SLC25A28: variants seen among roughly 807,000 people sequenced by gnomAD.
The protein encoded by SLC25A28 is solute carrier family 25 member 28, also known as mitoferrin-2.
A neutral mutation model predicts 31.9 loss-of-function variants in SLC25A28; 10 were observed. The ratio of observed to expected loss-of-function variants is 0.31; its 90% confidence interval spans 0.19 to 0.53. The LOEUF (loss-of-function observed/expected upper bound fraction) is 0.53, where lower values mean the gene tolerates loss of function less well. Among genes scored for constraint, SLC25A28 ranks in the 20% least tolerant of loss-of-function variants. The pLI is 0.95. For synonymous variants in SLC25A28, 208 were observed against 203.6 expected, an observed-to-expected ratio of 1.02 and a Z score of -0.19; for missense variants, 256 against 490.3, an observed-to-expected ratio of 0.52 and a Z score of 4.51.
the SLC25A28 span, among the ~76,000 whole-genome samples, chr10:99,629,208 A>G: frequency 6.6e-6 from 1 of 152,184 alleles, no homozygotes; most frequent in Non-Finnish European, 1.5e-5. Flanking sequence ...TTTCAGTGAG[A>G]GTTGGTTGTT....
intron 1 of SLC25A28, among the ~76,000 whole-genome samples, chr10:99,619,695 G>A (rs117185277): frequency 6.6e-6 from 1 of 152,336 alleles, no homozygotes; most frequent in East Asian, 1.9e-4. Context: ...CACGCCAGTT[G>A]GCTTCACCTT....
chr10:99,610,835 C>T lies in SLC25A28; in HGVS notation c.*14G>A, dbSNP rs751623075. On this transcript the variant is annotated 3_prime_UTR_variant, in exon 4 of 4. Coordinates refer to ENST00000370495, the MANE Select transcript of SLC25A28 (RefSeq NM_031212.4). ...GCAGTGTCATCTGAACCCCTGGCTT[C>T]GTTCAGTGCTACTTCACTTGCCAGC... 11 of 1,606,142 alleles carry T rather than the reference C, an allele frequency of 6.8e-6. No homozygotes were observed. The highest frequency in any genetic ancestry group is 4.0e-5 in the African/African-American group (3 of 74,758).
the SLC25A28 span, among the ~76,000 whole-genome samples, chr10:99,644,068 G>A: frequency 3.3e-5 from 5 of 152,236 alleles, no homozygotes; most frequent in Non-Finnish European, 5.9e-5. Context: ...GAGCTCTGTA[G>A]ATGTCTATTA....
At chr10:99,653,353 C>T in the SLC25A28 span, among the ~76,000 whole-genome samples, 45 of 152,204 alleles carry the variant, frequency 3.0e-4, no homozygotes, top group African/African-American at 1.0e-3. Context: ...CACCAATAGC[C>T]AGCATCAACT....
In SLC25A28 at chr10:99,613,832, C is replaced by T; in HGVS notation, c.384G>A (p.Trp128Ter). The change falls in exon 2 of 4, where the codon TGG becomes TGA. Residue 128 changes from tryptophan to a stop codon, truncating the protein, a stop_gained. Coordinates refer to ENST00000370495, the MANE Select transcript of SLC25A28 (RefSeq NM_031212.4). LOFTEE classifies it high-confidence loss of function. This position sits in a 1 kb window ranked among gnomAD's most constrained non-coding sequence, Gnocchi z 4.9. The stretch of plus-strand genomic sequence containing the variant: ...TGACGTTCAGCCCCCTCATGGGCCT[C>T]CATAGGCCCTCCGTTCTTATAATCC... ...LWRIIRTEGLWRPMRGLNVTA... is the reference protein window; with the variant it reads ...LWRIIRTEGL The T allele has an allele frequency of 6.2e-7, 1 of 1,614,248 alleles. No homozygotes were observed. The highest frequency in any genetic ancestry group is 8.5e-7 in the Non-Finnish European group (1 of 1,180,044).
the SLC25A28 span, among the ~76,000 whole-genome samples, chr10:99,658,119 C>T: frequency 6.6e-6 from 1 of 152,054 alleles, no homozygotes; most frequent in Non-Finnish European, 1.5e-5. Context: ...CTCAGGAGGT[C>T]GAGGCTGCAG....
At chr10:99,619,934 C>G in intron 1 of SLC25A28, 111 bp downstream of exon 1, 1 of 1,157,432 alleles carries the variant, frequency 8.6e-7, no homozygotes, top group Non-Finnish European at 1.1e-6. Context: ...GTGGCAGGAG[C>G]CAGGAAGGAA....
At chr10:99,647,137 TC>T in the SLC25A28 span, among the ~76,000 whole-genome samples, 4 of 152,246 alleles carry the variant, frequency 2.6e-5, no homozygotes, top group Non-Finnish European at 5.9e-5. Context: ...AATGCAGATA[TC>T]TTTTTGATAT....
upstream of SLC25A28, among the ~76,000 whole-genome samples, chr10:99,623,744 A>G (rs2034832690): frequency 6.6e-6 from 1 of 152,216 alleles, no homozygotes; most frequent in Non-Finnish European, 1.5e-5. Context: ...CTCCTCTGCC[A>G]CATGACTAGT....
chr10:99,623,532 C>T (rs1321763182), upstream of SLC25A28, among the ~76,000 whole-genome samples: 15 of 152,244 alleles, frequency 9.9e-5, no homozygotes, highest in Admixed American at 9.8e-4. Flanking sequence ...ATATACTTTC[C>T]CTGAATCTGA....
chr10:99,613,868 C>T lies in SLC25A28; in HGVS notation c.348G>A (p.Glu116=). ...DPAARYRNVL[E]ALWRIIRTEG... ...CCGTTCTTATAATCCTCCAGAGGGC[C>T]TCCAACACATTGCGATAGCGGGCAG... The change falls in exon 2 of 4, where the codon GAG becomes GAA. Residue 116 remains glutamate, a synonymous_variant. Transcript: ENST00000370495. The surrounding 1 kb of genome is among the most constrained non-coding windows in gnomAD (Gnocchi z 4.9). 2 of 1,614,030 alleles carry T rather than the reference C, an allele frequency of 1.2e-6. No homozygotes were observed. Among genetic ancestry groups the T allele is most frequent in the Non-Finnish European group, 1.7e-6 (2 of 1,179,948 alleles).
chr10:99,636,806 C>T, the SLC25A28 span, among the ~76,000 whole-genome samples: 2 of 151,872 alleles, frequency 1.3e-5, no homozygotes, highest in South Asian at 2.1e-4. Flanking sequence ...TAAAAATTAC[C>T]GACAACAAAA....
chr10:99,637,509 A>T, the SLC25A28 span, among the ~76,000 whole-genome samples: 3 of 152,170 alleles, frequency 2.0e-5, no homozygotes, highest in Non-Finnish European at 4.4e-5. Context: ...CTGTTTGCTG[A>T]CAATATGATC....
chr10:99,644,399 T>G, the SLC25A28 span, among the ~76,000 whole-genome samples: 1 of 152,228 alleles, frequency 6.6e-6, no homozygotes, highest in East Asian at 1.9e-4. Context: ...CCCTGCTTTT[T>G]TTCGTTTTCC....
the SLC25A28 span, among the ~76,000 whole-genome samples, chr10:99,648,736 T>G: frequency 6.6e-6 from 1 of 151,088 alleles, no homozygotes; most frequent in African/African-American, 2.4e-5. Context: ...GCCTTTTTGA[T>G]TTGGTCATCA....
rs2034527202 is a variant in SLC25A28, at chr10:99,611,672, A to C, written c.578-306T>G. Among the ~76,000 whole-genome samples the C allele has an allele frequency of 6.6e-6, 1 of 152,060 alleles. No homozygotes were observed. Among genetic ancestry groups the C allele is most frequent in the Non-Finnish European group, 1.5e-5 (1 of 67,998 alleles). ...TTCAGAGAGTCTTCTTGAACTAAGT[A>C]CCTATCTCTGATCTTACCCTCTAAC... is the stretch of plus-strand genomic sequence containing the variant. On this transcript the variant is annotated intron_variant, in intron 3 of 3. Coordinates refer to ENST00000370495, the MANE Select transcript of SLC25A28 (RefSeq NM_031212.4). The surrounding 1 kb of genome is among the most constrained non-coding windows in gnomAD (Gnocchi z 5.5).
intron 1 of SLC25A28, chr10:99,618,966 T>G: frequency 2.0e-6 from 2 of 985,440 alleles, no homozygotes; most frequent in Non-Finnish European, 2.4e-6. Flanking sequence ...ACCCTTCACA[T>G]GTAAAGGAGG....
chr10:99,632,486 G>T, the SLC25A28 span, among the ~76,000 whole-genome samples: 2 of 151,992 alleles, frequency 1.3e-5, no homozygotes, highest in African/African-American at 4.8e-5. Context: ...AATGCTAAAT[G>T]CTTAGTTTAG....
chr10:99,631,802 G>A, the SLC25A28 span, among the ~76,000 whole-genome samples: 3 of 150,724 alleles, frequency 2.0e-5, no homozygotes, highest in African/African-American at 7.3e-5. Flanking sequence ...CATGGGTTCT[G>A]CATTCGTGGA....
Sources: allele counts gnomAD v4.1 joint callset (sites outside exome capture counted in the v4.1 genomes callset), GRCh38; gene constraint gnomAD v4.1.1; non-coding constraint Gnocchi (gnomAD v3.1); transcripts MANE v1.5; gene names NCBI Gene and HGNC (gene_info 2026-07-23, HGNC 2026-07-21).